Variants in GMEB1 observed in about 807,000 individuals in gnomAD.
GMEB1 encodes glucocorticoid modulatory element-binding protein 1.
Under a neutral mutation model 52.4 loss-of-function variants are expected in GMEB1, and 6 were observed. That is an observed-to-expected ratio of 0.11 (90% CI 0.06 to 0.23). The LOEUF is 0.23. Ranked by LOEUF, GMEB1 falls within the 10% of genes least tolerant of loss-of-function variation. The pLI, the probability that GMEB1 is intolerant of heterozygous loss-of-function variation, is 1.00. For missense variants in GMEB1, 486 were observed against 685.6 expected (o/e 0.71, Z 3.25); for synonymous variants, 255 against 244.9 (o/e 1.04, Z -0.38).
At chr1:28,703,647 C>T (rs192590560) in intron 7 of GMEB1, among the ~76,000 whole-genome samples, 90 of 151,240 alleles carry the variant, frequency 6.0e-4, no homozygotes, top group Non-Finnish European at 1.0e-3. Context: ...GCAACAAGAA[C>T]GAAACTCTGT....
chr1:28,714,493 A>G lies in GMEB1; in HGVS notation c.1412A>G (p.Asp471Gly), dbSNP rs1304257581. The G allele has an allele frequency of 6.2e-7, 1 of 1,614,162 alleles. No individual in the cohort carries two copies. Among genetic ancestry groups the G allele is most frequent in the Admixed American group, 1.7e-5 (1 of 60,004 alleles). ...LALLSSTAMQ[D>G]GSTLGNMTTM... ...CTGCTGAGCTCTACTGCCATGCAGG[A>G]TGGGAGTACACTGGGCAACATGACC... The change falls in exon 10 of 10, where the codon GAT becomes GGT. Residue 471 changes from aspartate to glycine, a missense_variant. Asp to Gly is a moderately conservative substitution (Grantham distance 94). This residue lies in a region of GMEB1 where 153 missense variants were observed against 200.8 expected (regional missense o/e 0.76). Transcript: ENST00000373816.
chr1:28,683,849 G>C, intron 2 of GMEB1, 109 bp downstream of exon 2: 2 of 1,049,216 alleles, frequency 1.9e-6, no homozygotes, highest in Non-Finnish European at 2.8e-6. Context: ...ACATCAATCA[G>C]AGCTGGCTCA....
rs564444388 is a variant in GMEB1 at position 28,711,969 on chromosome 1, A to G, written c.991+1327A>G. Among the ~76,000 whole-genome samples, 12 of 152,272 alleles carry G rather than the reference A, an allele frequency of 7.9e-5. No individual in the cohort carries two copies. In the South Asian group the frequency reaches 2.1e-3, roughly 26 times the overall value. On this transcript the variant is annotated intron_variant, in intron 9 of 9. Transcript: ENST00000373816. ...GCTCAGTCCCAAAAGACTGCCTCCC[A>G]TTCAGCCCCAGGTTGTGACCTGTGC...
intron 1 of GMEB1, among the ~76,000 whole-genome samples, chr1:28,683,167 G>A (rs1669473506): frequency 6.6e-6 from 1 of 152,046 alleles, no homozygotes; most frequent in East Asian, 1.9e-4. Context: ...ATGGTCTCTA[G>A]GGTGCTCTAG....
Position 28,714,121 on chromosome 1 carries a change from G to C in GMEB1, c.1040G>C (p.Arg347Thr), listed in dbSNP as rs1381965272. ...CAGAAGAAGCAAGGCCAGGATCACA[G>C]GCTGAAATCTCAGACAGTTCAAAAT... ...EEQKKQGQDH[R>T]LKSQTVQNVV... The change falls in exon 10 of 10, where the codon AGG becomes ACG. Residue 347 changes from arginine (R) to threonine (T), a missense_variant. Transcript: ENST00000373816. 1 of 1,613,650 alleles carries C rather than the reference G, an allele frequency of 6.2e-7. No individual in the cohort carries two copies. Among genetic ancestry groups the C allele is most frequent in the Non-Finnish European group, 8.5e-7 (1 of 1,179,704 alleles).
intron 7 of GMEB1, among the ~76,000 whole-genome samples, chr1:28,703,748 T>G (rs1439690936): frequency 6.6e-6 from 1 of 152,028 alleles, no homozygotes; most frequent in African/African-American, 2.4e-5. Context: ...ATCCAACTGT[T>G]TTGTTTTGTT....
intron 1 of GMEB1, among the ~76,000 whole-genome samples, chr1:28,670,609 T>G (rs562240863): frequency 1.8e-4 from 28 of 152,152 alleles, no homozygotes; most frequent in Middle Eastern, 6.8e-3. Flanking sequence ...ATTACAGGCG[T>G]GAATCACTGC....
rs141260036 is a variant in GMEB1 at position 28,688,903 on chromosome 1, C to CTTTTTTT, written c.129-1195_129-1194insTTTTTTT. Among the ~76,000 whole-genome samples the CTTTTTTT allele has an allele frequency of 6.2e-5, 9 of 144,268 alleles. 1 individual carries two copies. The highest frequency in any genetic ancestry group is 1.4e-4 in the Admixed American group (2 of 14,114). 94.6% of individuals were successfully genotyped at this position (144,268 alleles called of 152,430 possible). ...CATGGGCATTTAAAGTTTTTTTTTT[C>CTTTTTTT]TTTTTTGAGACAGAGTCTTGCTCCA... On this transcript the variant is annotated intron_variant, in intron 2 of 9. Coordinates refer to ENST00000373816, the MANE Select transcript of GMEB1 (RefSeq NM_001319674.2).
chr1:28,709,691 C>T (rs887139067), intron 8 of GMEB1, among the ~76,000 whole-genome samples: 36 of 152,150 alleles, frequency 2.4e-4, no homozygotes, highest in African/African-American at 8.4e-4. Context: ...TCTCCTGCCT[C>T]AGCTGCCTCC....
intron 2 of GMEB1, among the ~76,000 whole-genome samples, chr1:28,689,177 C>T (rs1051795179): frequency 6.6e-5 from 10 of 151,992 alleles, no homozygotes; most frequent in East Asian, 5.8e-4. Flanking sequence ...CGTGAGCCAC[C>T]GCACACAGCC....
chr1:28,692,438 A>AGGAGAATCACTTC (rs2124516977), intron 4 of GMEB1, among the ~76,000 whole-genome samples: 1 of 152,098 alleles, frequency 6.6e-6, no homozygotes, highest in African/African-American at 2.4e-5. Flanking sequence ...AGGCTAAGGC[A>AGGAGAATCACTTC]GGAGAATCAC....
intron 6 of GMEB1, among the ~76,000 whole-genome samples, chr1:28,698,539 G>A (rs1177469393): frequency 6.6e-6 from 1 of 151,926 alleles, no homozygotes; most frequent in Non-Finnish European, 1.5e-5. Flanking sequence ...GCCAGGTATG[G>A]TGGCGGGTGC....
chr1:28,712,858 A>G (rs116131798), intron 9 of GMEB1, among the ~76,000 whole-genome samples: 9,140 of 149,404 alleles, frequency 0.061, 892 homozygotes, highest in African/African-American at 0.21. Context: ...ATATAAAGAC[A>G]TTTACCACGC....
intron 5 of GMEB1, among the ~76,000 whole-genome samples, chr1:28,694,813 G>A (rs1023374493): frequency 6.6e-5 from 10 of 151,396 alleles, no homozygotes; most frequent in Non-Finnish European, 7.4e-5. Context: ...ACAGGAGCAC[G>A]CCACCTCGAC....
rs1557504323 is a variant in GMEB1 at position 28,687,380 on chromosome 1, ACAC to A, written c.129-2723_129-2721del. Among the ~76,000 whole-genome samples the A allele has an allele frequency of 1.3e-3, 166 of 125,106 alleles. 28 individuals are homozygous for A. The highest frequency in any genetic ancestry group is 1.6e-3 in the Non-Finnish European group (91 of 58,060). 82.1% of individuals were successfully genotyped at this position (125,106 alleles called of 152,430 possible). A position where few individuals can be genotyped will look rare whatever the true frequency, so the allele number is the denominator to read the frequency against. ...CACACACACACACACACACACACAC[ACAC>A]ACACAAAAAAAGACAGTGGAGAATA... On this transcript the variant is annotated intron_variant, in intron 2 of 9. Coordinates refer to ENST00000373816, the MANE Select transcript of GMEB1 (RefSeq NM_001319674.2).
At chr1:28,687,172 T>TA (rs1360575572) in intron 2 of GMEB1, among the ~76,000 whole-genome samples, 2 of 150,942 alleles carry the variant, frequency 1.3e-5, no homozygotes, top group South Asian at 4.2e-4. Context: ...CCTGTCTCTA[T>TA]AAAAAAATAG....
intron 8 of GMEB1, among the ~76,000 whole-genome samples, chr1:28,706,014 C>T (rs1222369048): frequency 2.0e-5 from 3 of 151,468 alleles, no homozygotes; most frequent in Non-Finnish European, 4.4e-5. Context: ...ATTAGCCGGG[C>T]GCGGTGGCGG....
At chr1:28,713,375 G>A (rs902005095) in intron 9 of GMEB1, among the ~76,000 whole-genome samples, 21 of 152,138 alleles carry the variant, frequency 1.4e-4, no homozygotes, top group Non-Finnish European at 2.6e-4. Flanking sequence ...CTTACCAGTG[G>A]TCACCTAGGG....
rs1466367712 is a variant in GMEB1, at chr1:28,714,928, A to G, written c.*155A>G. ...TAACTGAAAATGTTGGGTTCTTCCC[A>G]CTCCCTCATTGAAAAATGGACAAAA... On this transcript the variant is annotated 3_prime_UTR_variant, in exon 10 of 10. Transcript: ENST00000373816. 1.5e-5 allele frequency: 9 copies of G among 614,956 alleles called. No individual in the cohort carries two copies. Among genetic ancestry groups the G allele is most frequent in the Non-Finnish European group, 2.5e-5 (9 of 360,432 alleles). The allele number at this position is 614,956 out of a possible 1,614,324, so 38.1% of individuals were successfully genotyped here.
Sources: allele counts gnomAD v4.1 joint callset (sites outside exome capture counted in the v4.1 genomes callset), GRCh38; gene constraint gnomAD v4.1.1; regional missense constraint gnomAD v4.1.1; transcripts MANE v1.5; gene names NCBI Gene and HGNC (gene_info 2026-07-23, HGNC 2026-07-21).